Variants in LCLAT1 observed in about 807,000 individuals in gnomAD.
LCLAT1 encodes lysocardiolipin acyltransferase 1.
A neutral mutation model predicts 30.7 loss-of-function variants in LCLAT1; 11 were observed. That is an observed-to-expected ratio of 0.36 (90% CI 0.23 to 0.59). The LOEUF is 0.59. Ranked by LOEUF, LCLAT1 falls within the 20% of genes least tolerant of loss-of-function variation. The pLI is 0.77. For synonymous variants in LCLAT1, 155 were observed against 151.3 expected, an observed-to-expected ratio of 1.02 and a Z score of -0.18; for missense variants, 402 against 458.6, an observed-to-expected ratio of 0.88 and a Z score of 1.13.
intron 1 of LCLAT1, among the ~76,000 whole-genome samples, chr2:30,509,444 A>T (rs544239512): frequency 1.3e-5 from 2 of 152,182 alleles, no homozygotes; most frequent in African/African-American, 4.8e-5. Context: ...GTTCCTTAAA[A>T]GCCCAGTTAT....
intron 1 of LCLAT1, among the ~76,000 whole-genome samples, chr2:30,484,570 T>G (rs970431462): frequency 6.6e-6 from 1 of 152,190 alleles, no homozygotes; most frequent in Non-Finnish European, 1.5e-5. Flanking sequence ...AGAAAAGTAC[T>G]GTGGGCAAGA....
intron 5 of LCLAT1, among the ~76,000 whole-genome samples, chr2:30,574,757 T>C (rs558099032): frequency 6.6e-6 from 1 of 152,288 alleles, no homozygotes; most frequent in South Asian, 2.1e-4. Context: ...AGGCATCTGT[T>C]CTACAGATAC....
intron 5 of LCLAT1, among the ~76,000 whole-genome samples, chr2:30,591,676 AAAACAT>A (rs1666698074): frequency 6.6e-6 from 1 of 152,180 alleles, no homozygotes; most frequent in Non-Finnish European, 1.5e-5. Flanking sequence ...CAAAGTTAAT[AAAACAT>A]AGACATGTCT....
At chr2:30,535,992 C>T (rs1686222440) in intron 3 of LCLAT1, among the ~76,000 whole-genome samples, 1 of 151,678 alleles carries the variant, frequency 6.6e-6, no homozygotes, top group African/African-American at 2.4e-5. Context: ...AATCTCAAAA[C>T]TGAAAAATTC....
At chr2:30,590,226 G>A (rs1470766900) in intron 5 of LCLAT1, among the ~76,000 whole-genome samples, 1 of 151,978 alleles carries the variant, frequency 6.6e-6, no homozygotes, top group Non-Finnish European at 1.5e-5. Context: ...ATTTGTGAGT[G>A]AAGATGTGTC....
At chr2:30,605,971 T>A (rs1472850212) in intron 5 of LCLAT1, 2 of 1,265,272 alleles carry the variant, frequency 1.6e-6, no homozygotes, top group East Asian at 1.2e-4. Flanking sequence ...GGGTTCTTGC[T>A]ACCATGAGAA....
intron 5 of LCLAT1, among the ~76,000 whole-genome samples, chr2:30,569,858 T>G (rs948427228): frequency 7.9e-5 from 12 of 152,176 alleles, no homozygotes; most frequent in Admixed American, 1.3e-4. Flanking sequence ...GATATTCATG[T>G]TGTATGTGAT....
At chr2:30,473,346 G>T (rs909425636) in intron 1 of LCLAT1, among the ~76,000 whole-genome samples, 1 of 152,120 alleles carries the variant, frequency 6.6e-6, no homozygotes, top group African/African-American at 2.4e-5. Context: ...AATCTATTAC[G>T]ATCTTTCTTT....
chr2:30,480,771 A>T (rs1683280270), intron 1 of LCLAT1, among the ~76,000 whole-genome samples: 4 of 152,144 alleles, frequency 2.6e-5, no homozygotes. Flanking sequence ...GGAAAATTCG[A>T]GCTCTTTCAA....
At chr2:30,594,091 C>T (rs1047427131) in intron 5 of LCLAT1, among the ~76,000 whole-genome samples, 1 of 151,938 alleles carries the variant, frequency 6.6e-6, no homozygotes, top group Non-Finnish European at 1.5e-5. Context: ...TTTTTAGGGC[C>T]TGGAAACTCA....
intron 1 of LCLAT1, among the ~76,000 whole-genome samples, chr2:30,487,783 G>GA (rs1683635782): frequency 6.6e-6 from 1 of 152,052 alleles, no homozygotes; most frequent in African/African-American, 2.4e-5. Flanking sequence ...GCTAAGTGCT[G>GA]AACCAGGAGT....
chr2:30,472,928 T>C (rs1021518328), intron 1 of LCLAT1, among the ~76,000 whole-genome samples: 1 of 152,160 alleles, frequency 6.6e-6, no homozygotes, highest in African/African-American at 2.4e-5. Flanking sequence ...AGAAAAAAGA[T>C]TGGCTGTGGA....
At chr2:30,477,907 T>C (rs1302195988) in intron 1 of LCLAT1, among the ~76,000 whole-genome samples, 1 of 152,106 alleles carries the variant, frequency 6.6e-6, no homozygotes, top group Non-Finnish European at 1.5e-5. Flanking sequence ...AATTTTACGA[T>C]TTTCCTTCTG....
chr2:30,463,562 T>C (rs1682275424), intron 1 of LCLAT1, among the ~76,000 whole-genome samples: 1 of 152,238 alleles, frequency 6.6e-6, no homozygotes, highest in African/African-American at 2.4e-5. Context: ...TGAAAAAGAA[T>C]TGCCTCTGCA....
intron 5 of LCLAT1, among the ~76,000 whole-genome samples, chr2:30,571,947 A>C (rs1665797129): frequency 6.6e-6 from 1 of 152,148 alleles, no homozygotes; most frequent in Non-Finnish European, 1.5e-5. Context: ...ACAAAACCTA[A>C]ATGAGATTTG....
chr2:30,466,899 A>G (rs972155269), intron 1 of LCLAT1, among the ~76,000 whole-genome samples: 2 of 152,148 alleles, frequency 1.3e-5, no homozygotes, highest in African/African-American at 4.8e-5. Context: ...TCTTAGTTTT[A>G]TTGTATTATA....
intron 2 of LCLAT1, among the ~76,000 whole-genome samples, chr2:30,530,299 A>T (rs545505473): frequency 2.8e-4 from 43 of 152,274 alleles, no homozygotes; most frequent in Middle Eastern, 3.4e-3. Flanking sequence ...GATTAATTGA[A>T]TTCTGGAGTT....
intron 5 of LCLAT1, among the ~76,000 whole-genome samples, chr2:30,597,034 T>C (rs894359036): frequency 7.2e-4 from 100 of 139,496 alleles, no homozygotes; most frequent in Non-Finnish European, 1.3e-3. Flanking sequence ...CATGCTATTT[T>C]GGTTACTGTA....
chr2:30,464,391 G>A (rs902166605), intron 1 of LCLAT1, among the ~76,000 whole-genome samples: 2 of 152,098 alleles, frequency 1.3e-5, no homozygotes, highest in Non-Finnish European at 2.9e-5. Context: ...TGTGTGTCTG[G>A]AAAAATTTAG....
Sources: gnomAD v4.1 joint callset for allele counts (sites outside exome capture counted in the v4.1 genomes callset) on GRCh38, gnomAD v4.1.1 for gene constraint, MANE v1.5 for transcripts, NCBI Gene and HGNC (gene_info 2026-07-23, HGNC 2026-07-21) for gene names.